Variants in EIF2AK2 observed in about 807,000 individuals in gnomAD.
EIF2AK2 encodes eukaryotic translation initiation factor 2 alpha kinase 2.
A neutral mutation model predicts 70.5 loss-of-function variants in EIF2AK2; 40 were observed. That is an observed-to-expected ratio of 0.57 (90% CI 0.44 to 0.74). The LOEUF (loss-of-function observed/expected upper bound fraction) is 0.74, where lower values mean the gene tolerates loss of function less well. Among genes scored for constraint, EIF2AK2 ranks in the 30% least tolerant of loss-of-function variants. The pLI, the probability that EIF2AK2 is intolerant of heterozygous loss-of-function variation, is 0.00. For missense variants in EIF2AK2, 555 were observed against 644.3 expected, an observed-to-expected ratio of 0.86 and a Z score of 1.50; for synonymous variants, 198 against 220.9, an observed-to-expected ratio of 0.90 and a Z score of 0.92.
intron 2 of EIF2AK2, among the ~76,000 whole-genome samples, chr2:37,148,104 G>T (rs1015617693): frequency 6.6e-6 from 1 of 152,134 alleles, no homozygotes. Context: ...GATCACCTGA[G>T]CTCAGGAGTT....
At position 37,099,494 on chromosome 2, in the gene EIF2AK2, G is replaced by C. The variant is rs1673771899; in HGVS notation, c.*7779C>G. 6.6e-6 allele frequency: 1 copy of C among 152,130 alleles called. No individual in the cohort carries two copies. Among genetic ancestry groups the C allele is most frequent in the Non-Finnish European group, 1.5e-5 (1 of 68,032 alleles). The allele number at this position is 152,130 out of a possible 1,614,324, so 9.4% of individuals were successfully genotyped here. Reference sequence around the variant, plus strand: ...TAAGACAAACTGGTAAGAACAATTAGGTACTAAACAATGGGAGTACTAGGG... The same window carrying C: ...TAAGACAAACTGGTAAGAACAATTACGTACTAAACAATGGGAGTACTAGGG... On this transcript the variant is annotated 3_prime_UTR_variant, in exon 17 of 17. Transcript: ENST00000233057.
chr2:37,120,195 A>C, intron 12 of EIF2AK2, 56 bp from the exon 13 acceptor site: 1 of 1,120,938 alleles, frequency 8.9e-7, no homozygotes, highest in Non-Finnish European at 1.1e-6. Flanking sequence ...ATTTATAAAA[A>C]ATTTTTTATA....
chr2:37,125,087 A>G (rs1468844645), intron 11 of EIF2AK2, among the ~76,000 whole-genome samples: 1 of 151,974 alleles, frequency 6.6e-6, no homozygotes, highest in Admixed American at 6.6e-5. Flanking sequence ...ATCTGGGCTC[A>G]CCACAAGCTC....
At chr2:37,138,858 C>T (rs1338567878) in intron 6 of EIF2AK2, among the ~76,000 whole-genome samples, 1 of 152,072 alleles carries the variant, frequency 6.6e-6, no homozygotes, top group African/African-American at 2.4e-5. Context: ...TGCAGTGGCA[C>T]AATCTTGGCT....
chr2:37,128,585 T>C (rs1674827251), intron 10 of EIF2AK2, among the ~76,000 whole-genome samples: 1 of 152,182 alleles, frequency 6.6e-6, no homozygotes, highest in Admixed American at 6.5e-5. Flanking sequence ...GAAGTATAAT[T>C]TAGCCTTATA....
intron 10 of EIF2AK2, among the ~76,000 whole-genome samples, chr2:37,132,049 A>G (rs868508240): frequency 3.9e-5 from 6 of 152,180 alleles, no homozygotes; most frequent in Non-Finnish European, 8.8e-5. Context: ...TCTACTTCCA[A>G]AAAAGGCTGC....
At position 37,100,590 on chromosome 2, in the gene EIF2AK2, T is replaced by A. The variant is rs1673803764; in HGVS notation, c.*6683A>T. On this transcript the variant is annotated 3_prime_UTR_variant, in exon 17 of 17. Coordinates refer to ENST00000233057, the MANE Select transcript of EIF2AK2 (RefSeq NM_001135651.3). Reference sequence around the variant, plus strand: ...CTGTGATTCCCTTCATCTATGACTATTTTTAAGAAATGTAAGATTTGGATA... The same window carrying A: ...CTGTGATTCCCTTCATCTATGACTAATTTTAAGAAATGTAAGATTTGGATA... 1 of 152,248 alleles carries A rather than the reference T, an allele frequency of 6.6e-6. No individual in the cohort carries two copies. The highest frequency in any genetic ancestry group is 1.5e-5 in the Non-Finnish European group (1 of 68,046). The allele number at this position is 152,248 out of a possible 1,614,324, so 9.4% of individuals were successfully genotyped here. A position where few individuals can be genotyped will look rare whatever the true frequency, so the allele number is the denominator to read the frequency against.
At position 37,101,845 on chromosome 2, in the gene EIF2AK2, A is replaced by G. The variant is rs1673834794; in HGVS notation, c.*5428T>C. 6.6e-6 allele frequency: 1 copy of G among 152,220 alleles called. No homozygotes were observed. Among genetic ancestry groups the G allele is most frequent in the South Asian group, 2.1e-4 (1 of 4,836 alleles). The allele number at this position is 152,220 out of a possible 1,614,324, so 9.4% of individuals were successfully genotyped here. On this transcript the variant is annotated 3_prime_UTR_variant, in exon 17 of 17. Coordinates refer to ENST00000233057, the MANE Select transcript of EIF2AK2 (RefSeq NM_001135651.3). ...ATATGATAATTAAGGAAATCTTGTC[A>G]ATTTTTTGAGTGTGACAATGATGCT...
intron 8 of EIF2AK2, among the ~76,000 whole-genome samples, chr2:37,137,848 C>T (rs1675181013): frequency 2.0e-5 from 3 of 152,062 alleles, no homozygotes; most frequent in Non-Finnish European, 4.4e-5. Flanking sequence ...CGCGGTGGCT[C>T]ATGCCTGTAA....
At position 37,138,578 on chromosome 2, in the gene EIF2AK2, T is replaced by C. The variant is rs1285048049; in HGVS notation, c.524A>G (p.Asp175Gly). ...AGCAAAAGAACCAGAGGACAGGTAG[T>C]CAGATTTCTGAAAGAAAAAGTATCC... ...ILSEETSVKSDYLSSGSFATT... is the reference protein window; with the variant it reads ...ILSEETSVKSGYLSSGSFATT... The change falls in exon 7 of 17, where the codon GAC becomes GGC. Residue 175 changes from aspartate to glycine, a missense_variant. By Grantham distance (94) the Asp-to-Gly change is moderately conservative. Coordinates refer to ENST00000233057, the MANE Select transcript of EIF2AK2 (RefSeq NM_001135651.3). 4.3e-6 allele frequency: 7 copies of C among 1,613,988 alleles called. No homozygotes were observed. The Admixed American group carries it at 8.3e-5, about 19-fold the overall frequency.
At chr2:37,126,044 T>C (rs1215321336) in intron 11 of EIF2AK2, among the ~76,000 whole-genome samples, 1 of 152,204 alleles carries the variant, frequency 6.6e-6, no homozygotes, top group East Asian at 1.9e-4. Context: ...CAAATGACTC[T>C]ATAGCTTCAG....
At position 37,107,464 on chromosome 2, in the gene EIF2AK2, A is replaced by G. The variant is rs746276068; in HGVS notation, c.1533+10T>C. On this transcript the variant is annotated intron_variant, in intron 16 of 16. Transcript: ENST00000233057. ...AATAAATAAAATTCTGATGATTTTC[A>G]AGTGCTTACTTCTTTTTTATCAAAT... 2 of 1,612,176 alleles carry G rather than the reference A, an allele frequency of 1.2e-6. No individual in the cohort carries two copies. The highest frequency in any genetic ancestry group is 1.7e-6 in the Non-Finnish European group (2 of 1,179,546).
intron 14 of EIF2AK2, among the ~76,000 whole-genome samples, chr2:37,111,878 A>AAAAAAAAAATAT (rs1553335064): frequency 1.4e-5 from 1 of 69,126 alleles, no homozygotes; most frequent in African/African-American, 6.2e-5. Context: ...AAAAAAAAAA[A>AAAAAAAAAATAT]ATATATATAT....
rs774375646 is a variant in EIF2AK2 at position 37,122,659 on chromosome 2, G to A, written c.914C>T (p.Ala305Val). Residue 305 changes from alanine to valine, a missense_variant, in exon 12 of 17, where the codon GCG becomes GTG. Ala to Val is a moderately conservative substitution (Grantham distance 64). Transcript: ENST00000233057. ...TGCCAATGCTTTTACTTCACGCTCC[G>A]CCTTCCTAGTTAAAAGGAACAGGGA... is the stretch of plus-strand genomic sequence containing the variant. ...IKRVKYNNEK[A>V]EREVKALAKL... The A allele has an allele frequency of 2.5e-5, 41 of 1,613,870 alleles. No homozygotes were observed. The highest frequency in any genetic ancestry group is 3.3e-5 in the South Asian group (3 of 91,064).
chr2:37,117,518 C>T (rs1180313004), intron 13 of EIF2AK2, among the ~76,000 whole-genome samples: 2 of 152,046 alleles, frequency 1.3e-5, no homozygotes, highest in Non-Finnish European at 2.9e-5. Flanking sequence ...GCCTGGGCAA[C>T]AGAGTGAGAC....
rs1209234415 is a variant in EIF2AK2, at chr2:37,152,694, A to G, written c.-183-3671T>C. Among the ~76,000 whole-genome samples the G allele has an allele frequency of 3.3e-5, 5 of 152,198 alleles. No homozygotes were observed. In the South Asian group the frequency reaches 1.0e-3, roughly 32 times the overall value. ...CCTTAAGGTGATTTCTTTCACGTCC[A>G]TGATTTCAGTGATCATCTATACGCC... On this transcript the variant is annotated intron_variant, in intron 1 of 16. Transcript: ENST00000233057.
chr2:37,107,074 G>T lies in EIF2AK2; in HGVS notation c.*199C>A. On this transcript the variant is annotated 3_prime_UTR_variant, in exon 17 of 17. Transcript: ENST00000233057. ...AAAAAAAGAATAAAGAGATGAGCCA[G>T]GAAAAAGTAAAATGTAAGAATGTTT... 1 of 664,934 alleles carries T rather than the reference G, an allele frequency of 1.5e-6. No individual in the cohort carries two copies. The allele number at this position is 664,934 out of a possible 1,614,324, so 41.2% of individuals were successfully genotyped here.
intron 13 of EIF2AK2, among the ~76,000 whole-genome samples, chr2:37,117,466 G>A (rs1002868268): frequency 3.3e-5 from 5 of 151,946 alleles, no homozygotes; most frequent in Non-Finnish European, 5.9e-5. Flanking sequence ...GAGCCTAGGA[G>A]GTCCAGGCTG....
At chr2:37,109,461 C>T in intron 14 of EIF2AK2, 166 bp from the exon 15 acceptor site, 1 of 571,154 alleles carries the variant, frequency 1.8e-6, no homozygotes, top group Non-Finnish European at 3.1e-6. Context: ...ATCTGTACCG[C>T]CGAATAGCTG....
Sources: allele counts gnomAD v4.1 joint callset (sites outside exome capture counted in the v4.1 genomes callset), GRCh38; gene constraint gnomAD v4.1.1; transcripts MANE v1.5; gene names NCBI Gene and HGNC (gene_info 2026-07-23, HGNC 2026-07-21).